The following FSTL5 variants were observed in gnomAD, a reference collection of about 807,000 sequenced individuals.
FSTL5 encodes the protein follistatin-related protein 5.
FSTL5 carries 62 observed loss-of-function variants against 89.1 expected under a neutral mutation model. The observed-to-expected ratio is 0.70, with a 90% CI of 0.57 to 0.86. FSTL5 has a LOEUF of 0.86. FSTL5 is among the 40% of genes least tolerant of loss of function. The pLI, the probability that FSTL5 is intolerant of heterozygous loss-of-function variation, is 0.00. For missense variants in FSTL5, 1,057 were observed against 1,001.6 expected (o/e 1.06, Z -0.75); for synonymous variants, 383 against 346.2 (o/e 1.11, Z -1.18).
intron 7 of FSTL5, among the ~76,000 whole-genome samples, chr4:161,595,439 T>A (rs1733981054): frequency 6.6e-6 from 1 of 152,086 alleles, no homozygotes; most frequent in Non-Finnish European, 1.5e-5. Context: ...AGAGTTGCCT[T>A]AAGGCATTGA....
At chr4:161,611,253 T>C (rs1159710296) in intron 7 of FSTL5, among the ~76,000 whole-genome samples, 1 of 145,952 alleles carries the variant, frequency 6.9e-6, no homozygotes, top group Non-Finnish European at 1.5e-5. Context: ...TATATATATA[T>C]ATATATATAT....
At chr4:161,746,375 C>T (rs1484520864) in intron 6 of FSTL5, among the ~76,000 whole-genome samples, 2 of 152,110 alleles carry the variant, frequency 1.3e-5, no homozygotes, top group South Asian at 2.1e-4. Context: ...TACCCAACTC[C>T]ACTTGTTCAA....
At chr4:161,780,600 C>T (rs1038997268) in intron 4 of FSTL5, among the ~76,000 whole-genome samples, 9 of 152,156 alleles carry the variant, frequency 5.9e-5, no homozygotes, top group African/African-American at 2.2e-4. Context: ...TGACCTTTGA[C>T]TCAAGAGTCA....
intron 6 of FSTL5, among the ~76,000 whole-genome samples, chr4:161,685,585 A>T (rs561155770): frequency 2.7e-4 from 41 of 152,130 alleles, no homozygotes; most frequent in Non-Finnish European, 4.9e-4. Context: ...TATATAGAAG[A>T]GATACTGATT....
At chr4:161,551,702 C>A (rs1320272714) in intron 8 of FSTL5, among the ~76,000 whole-genome samples, 1 of 151,980 alleles carries the variant, frequency 6.6e-6, no homozygotes, top group East Asian at 1.9e-4. Context: ...ACCGTCTGAT[C>A]TTTGACAAAC....
chr4:162,098,154 C>T (rs568032405), intron 2 of FSTL5, among the ~76,000 whole-genome samples: 27 of 152,004 alleles, frequency 1.8e-4, no homozygotes, highest in African/African-American at 2.6e-4. Flanking sequence ...GAATTCACTA[C>T]TGATAATCAA....
chr4:161,466,370 T>A (rs911160082), intron 13 of FSTL5, among the ~76,000 whole-genome samples: 5 of 152,180 alleles, frequency 3.3e-5, no homozygotes, highest in Admixed American at 6.6e-5. Flanking sequence ...GAAATACTGA[T>A]AATAGCAGCA....
chr4:162,133,098 C>T (rs1324468081), intron 1 of FSTL5, among the ~76,000 whole-genome samples: 1 of 152,168 alleles, frequency 6.6e-6, no homozygotes, highest in African/African-American at 2.4e-5. Flanking sequence ...AGGCGCCCAC[C>T]GCCATGCCTG....
intron 7 of FSTL5, among the ~76,000 whole-genome samples, chr4:161,651,213 G>GT (rs574117114): frequency 6.6e-6 from 1 of 151,522 alleles, no homozygotes; most frequent in Non-Finnish European, 1.5e-5. Flanking sequence ...CCAGGACACA[G>GT]ATACAGGCAG....
chr4:161,756,566 G>T (rs1400419700), intron 6 of FSTL5, among the ~76,000 whole-genome samples: 1 of 151,768 alleles, frequency 6.6e-6, no homozygotes, highest in Non-Finnish European at 1.5e-5. Flanking sequence ...TGATTATTTA[G>T]ATTTCTGACT....
intron 6 of FSTL5, among the ~76,000 whole-genome samples, chr4:161,671,822 C>A (rs141771496): frequency 6.6e-6 from 1 of 152,170 alleles, no homozygotes; most frequent in South Asian, 2.1e-4. Flanking sequence ...ATTTCTAGTC[C>A]GTGACAGTAG....
chr4:162,069,314 T>C (rs1729498957), intron 2 of FSTL5, among the ~76,000 whole-genome samples: 1 of 152,056 alleles, frequency 6.6e-6, no homozygotes, highest in South Asian at 2.1e-4. Context: ...GTTTAATATA[T>C]GTATACAACA....
chr4:161,606,686 C>G (rs945826662), intron 7 of FSTL5, among the ~76,000 whole-genome samples: 5 of 151,958 alleles, frequency 3.3e-5, no homozygotes, highest in African/African-American at 1.2e-4. Context: ...CAGAGTAATT[C>G]ATAGGAGTCA....
intron 6 of FSTL5, among the ~76,000 whole-genome samples, chr4:161,705,952 G>A (rs74924730): frequency 0.044 from 1,325 of 30,152 alleles, 136 homozygotes; most frequent in Middle Eastern, 0.079. Context: ...GTAGATGTGT[G>A]TATATATATA....
At chr4:162,158,417 T>C (rs1733566015) in intron 1 of FSTL5, among the ~76,000 whole-genome samples, 1 of 152,090 alleles carries the variant, frequency 6.6e-6, no homozygotes, top group South Asian at 2.1e-4. Context: ...AAAGTGTGTA[T>C]ACTAAAGAAT....
chr4:162,021,107 T>C (rs1737066005), intron 3 of FSTL5, among the ~76,000 whole-genome samples: 1 of 152,156 alleles, frequency 6.6e-6, no homozygotes, highest in South Asian at 2.1e-4. Context: ...AATTGAATCC[T>C]GGCATCTAAA....
chr4:161,881,166 T>A (rs894522671), intron 4 of FSTL5, among the ~76,000 whole-genome samples: 1 of 149,322 alleles, frequency 6.7e-6, no homozygotes, highest in Non-Finnish European at 1.5e-5. Context: ...TTTTTCATAT[T>A]TTAATATTAA....
intron 8 of FSTL5, among the ~76,000 whole-genome samples, chr4:161,545,919 A>T (rs942107766): frequency 1.3e-5 from 2 of 151,996 alleles, no homozygotes; most frequent in Non-Finnish European, 2.9e-5. Context: ...AAAAATAAAA[A>T]CAACAGTCAA....
intron 1 of FSTL5, among the ~76,000 whole-genome samples, chr4:162,115,829 G>C (rs1327468615): frequency 6.6e-6 from 1 of 152,008 alleles, no homozygotes; most frequent in Non-Finnish European, 1.5e-5. Flanking sequence ...TGCTTGCTGG[G>C]GGTAGGATTT....
Sources: gnomAD v4.1 joint callset for allele counts (sites outside exome capture counted in the v4.1 genomes callset) on GRCh38, gnomAD v4.1.1 for gene constraint, MANE v1.5 for transcripts, NCBI Gene and HGNC (gene_info 2026-07-23, HGNC 2026-07-21) for gene names.